The following SF3B1 variants were observed in gnomAD, a reference collection of about 807,000 sequenced individuals.
The protein encoded by SF3B1 is splicing factor 3b subunit 1.
In SF3B1, 12 loss-of-function variants were observed where a neutral mutation model predicts 153.8. That is an observed-to-expected ratio of 0.08 (90% CI 0.05 to 0.13). The LOEUF (loss-of-function observed/expected upper bound fraction) is 0.13. Ranked by LOEUF, SF3B1 falls within the 10% of genes least tolerant of loss-of-function variation. The probability of loss-of-function intolerance (pLI) is 1.00; values close to 1 mark genes in which losing one functional copy is unlikely to be tolerated. For missense variants in SF3B1, 513 were observed against 1,606.1 expected (o/e 0.32, Z 11.63); for synonymous variants, 498 against 525.2 (o/e 0.95, Z 0.71).
At chr2:197,398,162 GTT>G in intron 21 of SF3B1, 46 bp from the exon 22 acceptor site, 1 of 1,510,228 alleles carries the variant, frequency 6.6e-7, no homozygotes. Context: ...ATTAAGAAAA[GTT>G]TTAAGGATAA....
At position 197,401,673 on chromosome 2, in the gene SF3B1, A is replaced by T; in HGVS notation, c.2370+69T>A. On this transcript the variant is annotated intron_variant, in intron 16 of 24. Coordinates refer to ENST00000335508, the MANE Select transcript of SF3B1 (RefSeq NM_012433.4). The surrounding 1 kb of genome is among the most constrained non-coding windows in gnomAD (Gnocchi z 4.2). Reference sequence around the variant, plus strand: ...TACAGTTTTTTTTGTTGATTTTTAAAAACACTTTAAAATTCTGTTAGAACC... The same window carrying T: ...TACAGTTTTTTTTGTTGATTTTTAATAACACTTTAAAATTCTGTTAGAACC... The T allele has an allele frequency of 6.5e-7, 1 of 1,528,732 alleles. No homozygotes were observed. Among genetic ancestry groups the T allele is most frequent in the Non-Finnish European group, 8.9e-7 (1 of 1,126,178 alleles). 94.7% of individuals were successfully genotyped at this position (1,528,732 alleles called of 1,614,324 possible).
At position 197,391,117 on chromosome 2, in the gene SF3B1, GAA is replaced by G. The variant is rs2084805993; in HGVS notation, c.*1184_*1185del. 2 of 152,120 alleles carry G rather than the reference GAA, an allele frequency of 1.3e-5. No homozygotes were observed. Among genetic ancestry groups the G allele is most frequent in the Non-Finnish European group, 2.9e-5 (2 of 68,014 alleles). The allele number at this position is 152,120 out of a possible 1,614,324, so 9.4% of individuals were successfully genotyped here. The stretch of plus-strand genomic sequence containing the variant: ...TAAGAAATTTGGGGCCATAACATTA[GAA>G]AAGTTTGAAAATATACTTTACATAT... On this transcript the variant is annotated 3_prime_UTR_variant, in exon 25 of 25. Transcript: ENST00000335508.
intron 6 of SF3B1, among the ~76,000 whole-genome samples, chr2:197,414,903 T>A (rs2085125039): frequency 6.7e-6 from 1 of 149,828 alleles, no homozygotes; most frequent in Admixed American, 6.7e-5. Flanking sequence ...ACTTGGGGGG[T>A]TGAGGTGGGA....
chr2:197,408,634 T>G (rs185670344), intron 7 of SF3B1, 53 bp from the exon 8 acceptor site: 1 of 1,127,746 alleles, frequency 8.9e-7, no homozygotes, highest in Non-Finnish European at 1.3e-6. Context: ...GTTAAAATAA[T>G]ATTCTTTATT....
At chr2:197,425,192 G>A (rs751171483) in intron 1 of SF3B1, among the ~76,000 whole-genome samples, 13 of 152,156 alleles carry the variant, frequency 8.5e-5, no homozygotes, top group Non-Finnish European at 1.8e-4. Context: ...TAGGCCGGGC[G>A]CAGTGGCTCA....
intron 23 of SF3B1, among the ~76,000 whole-genome samples, chr2:197,395,013 T>C (rs1299602323): frequency 1.3e-5 from 2 of 152,226 alleles, no homozygotes; most frequent in Non-Finnish European, 1.5e-5. Flanking sequence ...TTTTCCTATT[T>C]ATTTTAATAA....
At chr2:197,416,578 C>A in intron 6 of SF3B1, 163 bp downstream of exon 6, 1 of 585,550 alleles carries the variant, frequency 1.7e-6, no homozygotes, top group Non-Finnish European at 2.9e-6. Context: ...TGTTGGCACT[C>A]TGATCTTGGA....
chr2:197,394,792 C>T (rs1377730605), intron 23 of SF3B1, among the ~76,000 whole-genome samples: 1 of 152,124 alleles, frequency 6.6e-6, no homozygotes. Context: ...GTAGTCCCAG[C>T]TACTTGGGAG....
In SF3B1 at chr2:197,410,010, TAAA is replaced by T; in HGVS notation, c.667-6_667-4del. The T allele has an allele frequency of 1.3e-6, 2 of 1,581,806 alleles. No homozygotes were observed. Among genetic ancestry groups the T allele is most frequent in the Admixed American group, 1.9e-5 (1 of 52,872 alleles). On this transcript the variant is annotated splice_polypyrimidine_tract_variant and splice_region_variant and intron_variant, in intron 6 of 24. Coordinates refer to ENST00000335508, the MANE Select transcript of SF3B1 (RefSeq NM_012433.4). ...AAGGAAGGAGTATGCCCAGGGGTCT[TAAA>T]AAAGCAAAAAAATTTTATTTCACAC... is the stretch of plus-strand genomic sequence containing the variant.
intron 6 of SF3B1, among the ~76,000 whole-genome samples, chr2:197,416,130 G>C (rs1344397774): frequency 3.4e-5 from 5 of 147,520 alleles, no homozygotes; most frequent in Non-Finnish European, 7.5e-5. Context: ...CAAAACAAAT[G>C]TTTAAAAAAA....
intron 6 of SF3B1, among the ~76,000 whole-genome samples, chr2:197,411,705 G>A (rs1238578597): frequency 1.3e-5 from 2 of 151,860 alleles, no homozygotes; most frequent in Admixed American, 6.6e-5. Context: ...GGAAAGTTGG[G>A]AGCTCTTATA....
chr2:197,407,397 G>A (rs1177638755), intron 9 of SF3B1, among the ~76,000 whole-genome samples: 1 of 152,176 alleles, frequency 6.6e-6, no homozygotes, highest in Non-Finnish European at 1.5e-5. Flanking sequence ...TTGAGGTCAG[G>A]AGTTCAAGAT....
rs2084804597 is a variant in SF3B1, at chr2:197,390,956, C to A, written c.*1347G>T. 1 of 152,144 alleles carries A rather than the reference C, an allele frequency of 6.6e-6. No individual in the cohort carries two copies. The highest frequency in any genetic ancestry group is 1.5e-5 in the Non-Finnish European group (1 of 68,024). 9.4% of individuals were successfully genotyped at this position (152,144 alleles called of 1,614,324 possible). ...CAGGAACTCCTAAAGTGTCAATAGG[C>A]AGTTTTACTTACAGTAGTAGTTATA... On this transcript the variant is annotated 3_prime_UTR_variant, in exon 25 of 25. Transcript: ENST00000335508.
At chr2:197,405,821 T>C (rs903054994) in intron 9 of SF3B1, among the ~76,000 whole-genome samples, 6 of 152,080 alleles carry the variant, frequency 3.9e-5, no homozygotes, top group Admixed American at 6.5e-5. Flanking sequence ...GAGCAAATAA[T>C]GTTTCATAAG....
At chr2:197,395,860 G>A (rs979759354) in intron 23 of SF3B1, among the ~76,000 whole-genome samples, 196 bp downstream of exon 23, 1 of 152,194 alleles carries the variant, frequency 6.6e-6, no homozygotes, top group African/African-American at 2.4e-5. Context: ...GAACTTGAAA[G>A]AAAGTCTGGG....
rs1042570683 is a variant in SF3B1, at chr2:197,410,064, T to G, written c.667-57A>C. The G allele has an allele frequency of 2.4e-6, 3 of 1,235,050 alleles. No homozygotes were observed. The East Asian group carries it at 7.0e-5, about 29-fold the overall frequency. The allele number at this position is 1,235,050 out of a possible 1,614,324, so 76.5% of individuals were successfully genotyped here. On this transcript the variant is annotated intron_variant, in intron 6 of 24. Transcript: ENST00000335508. ...ACCCACACAGAAATAATTAGAAAAT[T>G]TCCATAAAATAAAAAACTTTAAACG...
At chr2:197,418,720 T>G (rs1422942807) in intron 4 of SF3B1, 132 bp from the exon 5 acceptor site, 26 of 1,448,900 alleles carry the variant, frequency 1.8e-5, no homozygotes, top group Non-Finnish European at 2.3e-5. Context: ...ATGGAAAACT[T>G]TAATAATTAT....
In SF3B1 at chr2:197,416,841, G is replaced by T. The variant is rs147879907; in HGVS notation, c.566C>A (p.Ala189Glu). The T allele has an allele frequency of 6.2e-7, 1 of 1,613,792 alleles. No homozygotes were observed. The highest frequency in any genetic ancestry group is 8.5e-7 in the Non-Finnish European group (1 of 1,179,872). Reference sequence around the variant, plus strand: ...TTTTCGTTTTGATGGAGGCTGGGACGCTGCTGCTCCATTGACGACTTTTAG... The same window carrying T: ...TTTTCGTTTTGATGGAGGCTGGGACTCTGCTGCTCCATTGACGACTTTTAG... The part of the protein sequence containing the change: ...GELKVVNGAA[A>E]SQPPSKRKRR... The change falls in exon 6 of 25, where the codon GCG becomes GAG. Residue 189 changes from alanine to glutamate, a missense_variant. Coordinates refer to ENST00000335508, the MANE Select transcript of SF3B1 (RefSeq NM_012433.4).
intron 2 of SF3B1, among the ~76,000 whole-genome samples, chr2:197,423,107 C>G (rs964482452): frequency 6.6e-6 from 1 of 152,096 alleles, no homozygotes; most frequent in African/African-American, 2.4e-5. Flanking sequence ...AAATTCCAGG[C>G]TGGGCGCAGT....
Sources: gnomAD v4.1 joint callset for allele counts (sites outside exome capture counted in the v4.1 genomes callset) on GRCh38, gnomAD v4.1.1 for gene constraint, Gnocchi (gnomAD v3.1) non-coding constraint, MANE v1.5 for transcripts, NCBI Gene and HGNC (gene_info 2026-07-23, HGNC 2026-07-21) for gene names.